NTRK3: variants seen among roughly 807,000 people sequenced by gnomAD.
NTRK3 encodes neurotrophic receptor tyrosine kinase 3, also known as NT-3 growth factor receptor.
In NTRK3, 24 loss-of-function variants were observed where a neutral mutation model predicts 91.7. The observed-to-expected ratio is 0.26, with a 90% CI of 0.19 to 0.37. The LOEUF is 0.37. Among genes scored for constraint, NTRK3 ranks in the 10% least tolerant of loss-of-function variants. The pLI, the probability that NTRK3 is intolerant of heterozygous loss-of-function variation, is 1.00. For synonymous variants in NTRK3, 483 were observed against 404.0 expected, an observed-to-expected ratio of 1.20 and a Z score of -2.34; for missense variants, 880 against 1,068.9, an observed-to-expected ratio of 0.82 and a Z score of 2.46.
intron 13 of NTRK3, among the ~76,000 whole-genome samples, chr15:88,044,343 C>T (rs1461985978): frequency 7.0e-6 from 1 of 143,364 alleles, no homozygotes; most frequent in Non-Finnish European, 1.5e-5. Context: ...TCACTGCAAG[C>T]TCTGCCTCCC....
At chr15:88,085,526 C>T (rs2048421750) in intron 13 of NTRK3, among the ~76,000 whole-genome samples, 5 of 152,170 alleles carry the variant, frequency 3.3e-5, no homozygotes, top group Admixed American at 3.3e-4. Context: ...TTACCGACTG[C>T]CTGGAGCCAA....
chr15:88,177,164 C>T (rs1343958685), intron 5 of NTRK3, among the ~76,000 whole-genome samples: 1 of 152,160 alleles, frequency 6.6e-6, no homozygotes, highest in East Asian at 1.9e-4. Context: ...GAGAGGGAGA[C>T]AGAAACTATA....
chr15:88,215,446 G>T (rs2049679941), intron 3 of NTRK3, among the ~76,000 whole-genome samples: 1 of 152,358 alleles, frequency 6.6e-6, no homozygotes, highest in Admixed American at 6.5e-5. Flanking sequence ...TTGACGCAGA[G>T]CTCCCCGTGG....
At chr15:87,890,442 C>A (rs560673182) in intron 17 of NTRK3, among the ~76,000 whole-genome samples, 2 of 152,134 alleles carry the variant, frequency 1.3e-5, no homozygotes, top group African/African-American at 4.8e-5. Flanking sequence ...TATACAGGAC[C>A]GGTAAGATAA....
chr15:88,100,463 T>C (rs996148106), intron 13 of NTRK3, among the ~76,000 whole-genome samples: 1 of 152,190 alleles, frequency 6.6e-6, no homozygotes, highest in Admixed American at 6.5e-5. Flanking sequence ...AAACCTCAGA[T>C]GGCGGAAACA....
At chr15:87,880,180 T>A in intron 18 of NTRK3, 90 bp downstream of exon 19, 1 of 1,542,224 alleles carries the variant, frequency 6.5e-7, no homozygotes, top group Admixed American at 1.7e-5. Flanking sequence ...AAATCCCACC[T>A]AATGTCTTGT....
intron 5 of NTRK3, among the ~76,000 whole-genome samples, chr15:88,168,400 A>C (rs909183429): frequency 1.3e-5 from 2 of 152,192 alleles, no homozygotes; most frequent in Non-Finnish European, 2.9e-5. Flanking sequence ...ACAAAGAAAG[A>C]AAGCTGCTGG....
At chr15:88,168,770 A>T (rs994294063) in intron 5 of NTRK3, among the ~76,000 whole-genome samples, 9 of 152,184 alleles carry the variant, frequency 5.9e-5, no homozygotes, top group African/African-American at 2.2e-4. Context: ...TAATTCCTCT[A>T]TGAAGCAGGT....
chr15:88,223,110 C>T (rs535340907), intron 3 of NTRK3, among the ~76,000 whole-genome samples: 4 of 152,236 alleles, frequency 2.6e-5, no homozygotes, highest in East Asian at 3.9e-4. Flanking sequence ...GCTGCGGGCT[C>T]GGGAGGCGGG....
chr15:88,052,466 C>T (rs189822229), intron 13 of NTRK3, among the ~76,000 whole-genome samples: 20 of 152,354 alleles, frequency 1.3e-4, no homozygotes, highest in African/African-American at 4.6e-4. Context: ...CGCTATGACT[C>T]TAACTCCAAC....
At chr15:87,932,697 T>C (rs2068912542) in intron 16 of NTRK3, among the ~76,000 whole-genome samples, 1 of 152,198 alleles carries the variant, frequency 6.6e-6, no homozygotes, top group Admixed American at 6.5e-5. Flanking sequence ...CCTAGAATCT[T>C]GGAGTTGTAA....
intron 5 of NTRK3, among the ~76,000 whole-genome samples, chr15:88,152,983 A>T (rs913084009): frequency 6.6e-6 from 1 of 152,216 alleles, no homozygotes; most frequent in African/African-American, 2.4e-5. Context: ...TTCCTGGAGG[A>T]TTCATTCTGC....
At chr15:87,902,998 C>T (rs142726667) in intron 17 of NTRK3, among the ~76,000 whole-genome samples, 3 of 152,300 alleles carry the variant, frequency 2.0e-5, no homozygotes, top group African/African-American at 7.2e-5. Context: ...ACATTGTGGG[C>T]TCTGAGACCG....
At chr15:88,165,550 G>A (rs1041037902) in intron 5 of NTRK3, among the ~76,000 whole-genome samples, 2 of 152,064 alleles carry the variant, frequency 1.3e-5, no homozygotes, top group Non-Finnish European at 2.9e-5. Flanking sequence ...AAAGAAAATT[G>A]GGATACAGAA....
intron 13 of NTRK3, among the ~76,000 whole-genome samples, chr15:88,058,535 A>G (rs1162844326): frequency 6.6e-6 from 1 of 152,142 alleles, no homozygotes; most frequent in African/African-American, 2.4e-5. Context: ...AAAGACCCCT[A>G]GTATTGGCAT....
At chr15:88,000,597 T>C (rs145286678) in intron 14 of NTRK3, among the ~76,000 whole-genome samples, 16 of 152,336 alleles carry the variant, frequency 1.1e-4, no homozygotes, top group African/African-American at 2.6e-4. Flanking sequence ...ATCATAGAAA[T>C]TGAATCATTA....
At chr15:87,900,536 T>C (rs976070379) in intron 17 of NTRK3, among the ~76,000 whole-genome samples, 1 of 152,210 alleles carries the variant, frequency 6.6e-6, no homozygotes. Context: ...AATAATGACA[T>C]AGTTGGACCA....
At position 88,033,176 on chromosome 15, in the gene NTRK3, T is replaced by TTATA. The variant is rs149279639; in HGVS notation, c.1397-135_1397-132dup. The TTATA allele has an allele frequency of 9.7e-3, 1,900 of 195,452 alleles. 61 individuals are homozygous for TTATA. Among genetic ancestry groups the TTATA allele is most frequent in the Non-Finnish European group, 0.012 (1,310 of 113,162 alleles). The allele number at this position is 195,452 out of a possible 1,614,324, so 12.1% of individuals were successfully genotyped here. On this transcript the variant is annotated intron_variant, in intron 13 of 18. Transcript: ENST00000394480. ...CTTTTTTTTACTTTTGGGGGGTGTG[T>TTATA]TATATATATATATATATATATATAT...
chr15:87,875,634 C>T (rs186934542), exon 19 of NTRK3: 129 of 232,916 alleles, frequency 5.5e-4, no homozygotes, highest in African/African-American at 2.7e-3. Flanking sequence ...CATCAATCCT[C>T]CCAGGGGCTG....
Sources: allele counts gnomAD v4.1 joint callset (sites outside exome capture counted in the v4.1 genomes callset), GRCh38; gene constraint gnomAD v4.1.1; transcripts MANE v1.5; gene names NCBI Gene and HGNC (gene_info 2026-07-23, HGNC 2026-07-21).